Variants in GRIP1 observed in about 807,000 individuals in gnomAD.
The protein encoded by GRIP1 is glutamate receptor-interacting protein 1.
In GRIP1, 45 loss-of-function variants were observed where a neutral mutation model predicts 129.9. The observed-to-expected ratio is 0.35, with a 90% CI of 0.27 to 0.44. The LOEUF is 0.44. Among genes scored for constraint, GRIP1 ranks in the 20% least tolerant of loss-of-function variants. GRIP1 has a pLI of 1.00. For synonymous variants in GRIP1, 530 were observed against 520.8 expected (o/e 1.02, Z -0.24); for missense variants, 1,196 against 1,396.8 (o/e 0.86, Z 2.29).
chr12:66,557,894 C>G, intron 2 of GRIP1, among the ~76,000 whole-genome samples: 1 of 151,994 alleles, frequency 6.6e-6, no homozygotes, highest in East Asian at 1.9e-4. Flanking sequence ...CCTAAGAATG[C>G]ATCTTAAAGA....
chr12:66,967,171 T>C (rs1415603151), intron 1 of GRIP1, among the ~76,000 whole-genome samples: 1 of 152,200 alleles, frequency 6.6e-6, no homozygotes, highest in Non-Finnish European at 1.5e-5. Flanking sequence ...TTTGTTTTTG[T>C]TTTATTTTGC....
intron 1 of GRIP1, among the ~76,000 whole-genome samples, chr12:66,997,833 A>C (rs7961054): frequency 6.6e-6 from 1 of 152,060 alleles, no homozygotes; most frequent in Admixed American, 6.6e-5. Flanking sequence ...AAACCTAGGT[A>C]TCTATGGCCT....
chr12:66,593,276 T>C (rs1231917964), intron 2 of GRIP1, among the ~76,000 whole-genome samples: 1 of 152,110 alleles, frequency 6.6e-6, no homozygotes, highest in Non-Finnish European at 1.5e-5. Context: ...GAAAGGAGGG[T>C]GATAAAAGGA....
chr12:66,683,392 A>G (rs892257768), upstream of GRIP1, among the ~76,000 whole-genome samples: 4 of 152,178 alleles, frequency 2.6e-5, no homozygotes, highest in African/African-American at 9.7e-5. Flanking sequence ...ATGAGCTGTC[A>G]TGAAGGACTA....
chr12:66,791,929 C>T (rs749375561), intron 1 of GRIP1, among the ~76,000 whole-genome samples: 5 of 152,100 alleles, frequency 3.3e-5, no homozygotes, highest in Non-Finnish European at 7.3e-5. Flanking sequence ...ATTTGATTTG[C>T]CATTCCTGAG....
chr12:66,404,490 A>G (rs996538823), intron 16 of GRIP1, among the ~76,000 whole-genome samples: 1 of 152,200 alleles, frequency 6.6e-6, no homozygotes, highest in African/African-American at 2.4e-5. Flanking sequence ...GACCAATGCC[A>G]TGGCATGCTC....
chr12:66,784,720 CTTTGTT>C (rs2038266031), intron 1 of GRIP1, among the ~76,000 whole-genome samples: 1 of 152,158 alleles, frequency 6.6e-6, no homozygotes, highest in African/African-American at 2.4e-5. Flanking sequence ...CTGGTCTTAG[CTTTGTT>C]TTTAAGAGTC....
chr12:66,796,494 C>T (rs2038702688), intron 1 of GRIP1, among the ~76,000 whole-genome samples: 1 of 152,072 alleles, frequency 6.6e-6, no homozygotes, highest in Non-Finnish European at 1.5e-5. Flanking sequence ...CAGGGTCATC[C>T]CAACATCCTG....
At chr12:66,830,153 T>C (rs1330527512) in intron 1 of GRIP1, among the ~76,000 whole-genome samples, 1 of 152,210 alleles carries the variant, frequency 6.6e-6, no homozygotes, top group Non-Finnish European at 1.5e-5. Context: ...ACTAACATGT[T>C]AGTCCCTGCA....
At chr12:66,491,681 G>C (rs780656243) in intron 7 of GRIP1, among the ~76,000 whole-genome samples, 1 of 152,064 alleles carries the variant, frequency 6.6e-6, no homozygotes, top group Non-Finnish European at 1.5e-5. Context: ...AATTCTTTGA[G>C]GACCAATCTT....
rs1194949120 is a variant in GRIP1, at chr12:66,585,552, G to A, written c.136+11295C>T. On this transcript the variant is annotated intron_variant, in intron 2 of 24. Transcript: ENST00000359742. ...AGTCTTTGCTATTGTGAATAATGCCGCAATAAAAATACGTGTGCATGTGTC... is the reference window on the plus strand; with the variant it reads ...AGTCTTTGCTATTGTGAATAATGCCACAATAAAAATACGTGTGCATGTGTC... Among the ~76,000 whole-genome samples the A allele has an allele frequency of 1.1e-4, 16 of 140,894 alleles. No individual in the cohort carries two copies. In the East Asian group the frequency reaches 1.4e-3, roughly 13 times the overall value. 92.4% of individuals were successfully genotyped at this position (140,894 alleles called of 152,430 possible).
At chr12:66,615,733 C>T (rs1565912439) in intron 1 of GRIP1, among the ~76,000 whole-genome samples, 1 of 152,154 alleles carries the variant, frequency 6.6e-6, no homozygotes, top group Non-Finnish European at 1.5e-5. Flanking sequence ...CAACTTTCGC[C>T]TCCTGGGTTC....
In GRIP1 at chr12:66,541,921, G is replaced by A; in HGVS notation, c.166C>T (p.Leu56=). The A allele has an allele frequency of 6.2e-7, 1 of 1,613,904 alleles. No homozygotes were observed. Among genetic ancestry groups the A allele is most frequent in the Non-Finnish European group, 8.5e-7 (1 of 1,179,814 alleles). ...AGGGTAGTGCCTTCCTTCTTCATCAGCTCGACGACTGTGGAGCCCTTGAAT... is the reference window on the plus strand; with the variant it reads ...AGGGTAGTGCCTTCCTTCTTCATCAACTCGACGACTGTGGAGCCCTTGAAT... ...EEFKGSTVVE[L]MKKEGTTLGL... is the part of the protein sequence containing the mutation. Residue 56 remains leucine, a synonymous_variant, in exon 3 of 25, where the codon CTG becomes TTG. Coordinates refer to ENST00000359742, the MANE Select transcript of GRIP1 (RefSeq NM_001366722.1).
At chr12:66,881,926 C>A (rs913375558) in intron 1 of GRIP1, among the ~76,000 whole-genome samples, 2 of 152,166 alleles carry the variant, frequency 1.3e-5, no homozygotes, top group Admixed American at 6.5e-5. Context: ...CTGGTACAAA[C>A]CAAGTATTTG....
At chr12:66,784,708 C>T (rs1300187570) in intron 1 of GRIP1, among the ~76,000 whole-genome samples, 1 of 152,132 alleles carries the variant, frequency 6.6e-6, no homozygotes, top group Non-Finnish European at 1.5e-5. Flanking sequence ...AAAAACTACT[C>T]CCTGGTCTTA....
At chr12:66,954,858 G>A (rs2041814382) in intron 1 of GRIP1, among the ~76,000 whole-genome samples, 1 of 152,048 alleles carries the variant, frequency 6.6e-6, no homozygotes, top group Non-Finnish European at 1.5e-5. Flanking sequence ...GGAGGCAGTG[G>A]GGGTGCAAGG....
At chr12:66,658,754 AATAAG>A (rs1368589690) in intron 1 of GRIP1, among the ~76,000 whole-genome samples, 2 of 151,894 alleles carry the variant, frequency 1.3e-5, no homozygotes, top group Non-Finnish European at 2.9e-5. Flanking sequence ...ATAAAAATAA[AATAAG>A]ATAAAATAAA....
intron 7 of GRIP1, among the ~76,000 whole-genome samples, chr12:66,477,916 A>C (rs912591088): frequency 6.6e-6 from 1 of 152,194 alleles, no homozygotes; most frequent in Non-Finnish European, 1.5e-5. Flanking sequence ...ACCTAAAACC[A>C]TAAAAACCCT....
rs775872109 is a variant in GRIP1 at position 66,549,001 on chromosome 12, A to T, written c.137-7051T>A. Among the ~76,000 whole-genome samples, 21 of 152,210 alleles carry T rather than the reference A, an allele frequency of 1.4e-4. 1 individual carries two copies. Among genetic ancestry groups the T allele is most frequent in the Non-Finnish European group, 2.9e-4 (20 of 68,036 alleles). On this transcript the variant is annotated intron_variant, in intron 2 of 24. Coordinates refer to ENST00000359742, the MANE Select transcript of GRIP1 (RefSeq NM_001366722.1). Reference sequence around the variant, plus strand: ...TTCAGCAAAACAGGCGAAGCTCTTTACTTCTTGAAGTACTATTAACTGCAG... The same window carrying T: ...TTCAGCAAAACAGGCGAAGCTCTTTTCTTCTTGAAGTACTATTAACTGCAG...
Sources: gnomAD v4.1 joint callset for allele counts (sites outside exome capture counted in the v4.1 genomes callset) on GRCh38, gnomAD v4.1.1 for gene constraint, MANE v1.5 for transcripts, NCBI Gene and HGNC (gene_info 2026-07-23, HGNC 2026-07-21) for gene names.